NDUFAF2: variants seen among roughly 807,000 people sequenced by gnomAD.
The protein encoded by NDUFAF2 is NADH dehydrogenase [ubiquinone] 1 alpha subcomplex assembly factor 2.
A neutral mutation model predicts 22.8 loss-of-function variants in NDUFAF2; 13 were observed. The observed-to-expected ratio is 0.57, with a 90% CI of 0.37 to 0.91. The LOEUF is 0.91. Ranked by LOEUF, NDUFAF2 falls within the 40% of genes least tolerant of loss-of-function variation. The probability of loss-of-function intolerance (pLI) is 0.01; values close to 1 mark genes in which losing one functional copy is unlikely to be tolerated. For synonymous variants in NDUFAF2, 53 were observed against 64.2 expected (o/e 0.83, Z 0.84); for missense variants, 162 against 195.2 (o/e 0.83, Z 1.01).
intron 1 of NDUFAF2, among the ~76,000 whole-genome samples, chr5:61,004,282 T>A (rs1751337216): frequency 6.6e-6 from 1 of 152,152 alleles, no homozygotes; most frequent in Non-Finnish European, 1.5e-5. Flanking sequence ...CAAACATGAT[T>A]TCCTGTGAAT....
At position 61,123,769 on chromosome 5, in the gene NDUFAF2, TG is replaced by T. The variant is rs1753003127; in HGVS notation, c.258+24738del. On this transcript the variant is annotated intron_variant, in intron 3 of 3. Coordinates refer to ENST00000296597, the MANE Select transcript of NDUFAF2 (RefSeq NM_174889.5). ...ACAATTAGCAATGAAGGTGTAAATG[TG>T]AATCTAATTAGTCATTTGGCTTAGC... Among the ~76,000 whole-genome samples, 6 of 152,330 alleles carry T rather than the reference TG, an allele frequency of 3.9e-5. No homozygotes were observed. In the South Asian group the frequency reaches 1.2e-3, roughly 32 times the overall value.
intron 2 of NDUFAF2, among the ~76,000 whole-genome samples, chr5:61,095,787 G>C (rs1490379606): frequency 6.6e-6 from 1 of 152,190 alleles, no homozygotes; most frequent in African/African-American, 2.4e-5. Context: ...ACTTCCCTAG[G>C]TGGGGGAGGT....
chr5:61,016,183 TA>T (rs70977818), intron 1 of NDUFAF2, among the ~76,000 whole-genome samples: 6 of 138,546 alleles, frequency 4.3e-5, no homozygotes, highest in East Asian at 2.3e-4. Context: ...AGACTCTATC[TA>T]AAAAAAAAAT....
At chr5:60,962,082 A>G (rs1444318253) in intron 1 of NDUFAF2, among the ~76,000 whole-genome samples, 2 of 152,054 alleles carry the variant, frequency 1.3e-5, no homozygotes, top group Admixed American at 6.5e-5. Context: ...CTTGAACACC[A>G]TAAATATATG....
At chr5:61,045,274 T>TAAAATAAAATTTTATTAAATTTTAATAAA in intron 1 of NDUFAF2, among the ~76,000 whole-genome samples, 1 of 144,522 alleles carries the variant, frequency 6.9e-6, no homozygotes, top group Non-Finnish European at 1.5e-5. Flanking sequence ...TTTAATAAAA[T>TAAAATAAAATTTTATTAAATTTTAATAAA]AAAATAAAAT....
intron 1 of NDUFAF2, among the ~76,000 whole-genome samples, chr5:60,948,051 A>G (rs955331643): frequency 1.1e-4 from 16 of 152,156 alleles, no homozygotes; most frequent in African/African-American, 3.6e-4. Flanking sequence ...ATATGTATAT[A>G]TCTGTGAAAC....
chr5:61,040,282 A>ACGCG (rs1263125156), intron 1 of NDUFAF2, among the ~76,000 whole-genome samples: 73 of 84,046 alleles, frequency 8.7e-4, no homozygotes, highest in African/African-American at 3.2e-3. Flanking sequence ...ACACACACAC[A>ACGCG]CACACGCGCG....
At chr5:61,139,646 A>G (rs1309426323) in intron 3 of NDUFAF2, among the ~76,000 whole-genome samples, 1 of 152,214 alleles carries the variant, frequency 6.6e-6, no homozygotes, top group African/African-American at 2.4e-5. Context: ...GAGGCAGCCA[A>G]ATGCCTAGGC....
At chr5:61,073,709 A>T (rs1752331349) in intron 2 of NDUFAF2, among the ~76,000 whole-genome samples, 1 of 152,230 alleles carries the variant, frequency 6.6e-6, no homozygotes, top group African/African-American at 2.4e-5. Flanking sequence ...TAAGACAAGG[A>T]TGGATGCTCG....
intron 3 of NDUFAF2, among the ~76,000 whole-genome samples, chr5:61,100,093 A>G (rs1752688378): frequency 6.7e-6 from 1 of 148,792 alleles, no homozygotes; most frequent in African/African-American, 2.5e-5. Flanking sequence ...TCTTTCCAAC[A>G]TTGATAAAAT....
chr5:60,980,467 C>A (rs1750962033), intron 1 of NDUFAF2, among the ~76,000 whole-genome samples: 1 of 151,956 alleles, frequency 6.6e-6, no homozygotes, highest in Admixed American at 6.6e-5. Context: ...CAAAGAAATA[C>A]AAATAATTAA....
intron 1 of NDUFAF2, among the ~76,000 whole-genome samples, chr5:61,063,934 G>T (rs998343136): frequency 1.3e-5 from 2 of 152,086 alleles, no homozygotes; most frequent in Admixed American, 1.3e-4. Flanking sequence ...CCAATCAAAA[G>T]TGATAGAATG....
At chr5:61,082,973 A>G (rs867841789) in intron 2 of NDUFAF2, among the ~76,000 whole-genome samples, 9 of 152,152 alleles carry the variant, frequency 5.9e-5, no homozygotes, top group African/African-American at 1.4e-4. Flanking sequence ...CTTAGGCTGA[A>G]CTAATTTATA....
chr5:61,119,888 T>C (rs1579840708), intron 3 of NDUFAF2, among the ~76,000 whole-genome samples: 1 of 152,304 alleles, frequency 6.6e-6, no homozygotes, highest in East Asian at 1.9e-4. Flanking sequence ...TTATTAAAAA[T>C]TTAATATAAC....
intron 1 of NDUFAF2, among the ~76,000 whole-genome samples, chr5:60,960,543 A>T (rs1750670460): frequency 6.6e-6 from 1 of 152,158 alleles, no homozygotes; most frequent in Non-Finnish European, 1.5e-5. Context: ...CTGCTGTTTG[A>T]AGACTTTGTA....
intron 2 of NDUFAF2, among the ~76,000 whole-genome samples, chr5:61,090,904 A>G (rs542836391): frequency 5.9e-5 from 9 of 151,926 alleles, no homozygotes; most frequent in Non-Finnish European, 8.8e-5. Flanking sequence ...GTGTTCTCAT[A>G]ATTTAGCTCC....
rs545434289 is a variant in NDUFAF2, at chr5:61,020,954, A to G, written c.128-52171A>G. On this transcript the variant is annotated intron_variant, in intron 1 of 3. Coordinates refer to ENST00000296597, the MANE Select transcript of NDUFAF2 (RefSeq NM_174889.5). ...CGTGATCCGCCTGCCTCGGCCTCCCAGACTGCTGGGATTACAGGCATGAGC... is the reference window on the plus strand; with the variant it reads ...CGTGATCCGCCTGCCTCGGCCTCCCGGACTGCTGGGATTACAGGCATGAGC... 4.0e-5 allele frequency among the ~76,000 whole-genome samples: 6 copies of G among 149,438 alleles called. No individual in the cohort carries two copies. The South Asian group carries it at 1.3e-3, about 32-fold the overall frequency.
At chr5:61,034,199 T>A (rs1751765272) in intron 1 of NDUFAF2, among the ~76,000 whole-genome samples, 2 of 152,136 alleles carry the variant, frequency 1.3e-5, no homozygotes, top group African/African-American at 4.8e-5. Flanking sequence ...ATATGGGCAA[T>A]ATACCTGTTA....
At chr5:60,958,567 G>A (rs1750647129) in intron 1 of NDUFAF2, among the ~76,000 whole-genome samples, 1 of 152,072 alleles carries the variant, frequency 6.6e-6, no homozygotes. Flanking sequence ...TAAATATGAA[G>A]TGATTGTTAT....
Sources: allele counts gnomAD v4.1 joint callset (sites outside exome capture counted in the v4.1 genomes callset), GRCh38; gene constraint gnomAD v4.1.1; transcripts MANE v1.5; gene names NCBI Gene and HGNC (gene_info 2026-07-23, HGNC 2026-07-21).